The following SLC9A9 variants were observed in gnomAD, a reference collection of about 807,000 sequenced individuals.
SLC9A9 encodes the protein solute carrier family 9 member A9, also known as sodium/hydrogen exchanger 9.
In SLC9A9, 62 loss-of-function variants were observed where a neutral mutation model predicts 77.8. The ratio of observed to expected loss-of-function variants is 0.80; its 90% CI spans 0.65 to 0.98. SLC9A9 has a LOEUF of 0.98. Ranked by LOEUF, SLC9A9 falls within the 50% of genes least tolerant of loss-of-function variation. The pLI, the probability that SLC9A9 is intolerant of heterozygous loss-of-function variation, is 0.00. For missense variants in SLC9A9, 775 were observed against 774.9 expected (o/e 1.00, Z 0.00); for synonymous variants, 320 against 283.5 (o/e 1.13, Z -1.29).
At chr3:143,777,937 A>G (rs1355965165) in intron 4 of SLC9A9, among the ~76,000 whole-genome samples, 2 of 148,382 alleles carry the variant, frequency 1.3e-5, no homozygotes, top group African/African-American at 5.0e-5. Flanking sequence ...CTGGTCTTGA[A>G]CTTCTGACCT....
At chr3:143,411,904 T>A (rs2034103345) in intron 12 of SLC9A9, among the ~76,000 whole-genome samples, 1 of 152,132 alleles carries the variant, frequency 6.6e-6, no homozygotes, top group African/African-American at 2.4e-5. Context: ...CCGGTAACTA[T>A]TCTTGTGGGC....
In SLC9A9 at chr3:143,385,121, G is replaced by A. The variant is rs543969043; in HGVS notation, c.1470-3007C>T. On this transcript the variant is annotated intron_variant, in intron 12 of 15. Transcript: ENST00000316549. ...GGTGTATGAACCTTTTTATGATCAC[G>A]TTAAATGGTCCCTGACTACTGTCTT... Among the ~76,000 whole-genome samples, 15 of 151,966 alleles carry A rather than the reference G, an allele frequency of 9.9e-5. No homozygotes were observed. In the South Asian group the frequency reaches 2.5e-3, roughly 25 times the overall value.
At chr3:143,622,243 C>T (rs898373600) in intron 6 of SLC9A9, among the ~76,000 whole-genome samples, 2 of 152,120 alleles carry the variant, frequency 1.3e-5, no homozygotes, top group Non-Finnish European at 2.9e-5. Context: ...GGCCAACATT[C>T]AAATTCAGGA....
intron 2 of SLC9A9, among the ~76,000 whole-genome samples, chr3:143,821,972 G>C (rs555722739): frequency 1.3e-5 from 2 of 152,320 alleles, no homozygotes; most frequent in African/African-American, 4.8e-5. Flanking sequence ...TGTTGTCCTT[G>C]CTGCAGCAAG....
chr3:143,763,663 T>C (rs1222328438), intron 4 of SLC9A9, among the ~76,000 whole-genome samples: 1 of 151,918 alleles, frequency 6.6e-6, no homozygotes, highest in African/African-American at 2.4e-5. Flanking sequence ...TACTCTGCAG[T>C]CTTTCAAAAA....
chr3:143,401,999 C>T (rs564644111), intron 12 of SLC9A9, among the ~76,000 whole-genome samples: 6 of 152,204 alleles, frequency 3.9e-5, no homozygotes, highest in African/African-American at 1.4e-4. Context: ...ATTCTACTGG[C>T]CTTCCTGATG....
At chr3:143,333,767 A>G (rs377458812) in intron 14 of SLC9A9, among the ~76,000 whole-genome samples, 103 of 152,344 alleles carry the variant, frequency 6.8e-4, no homozygotes, top group Non-Finnish European at 8.2e-4. Flanking sequence ...TGCTTTATTT[A>G]CTGTATTTAT....
At chr3:143,350,883 A>G (rs560454026) in intron 14 of SLC9A9, among the ~76,000 whole-genome samples, 146 of 152,136 alleles carry the variant, frequency 9.6e-4, no homozygotes, top group African/African-American at 3.4e-3. Flanking sequence ...TCCAGTTGCT[A>G]TTAGTCAAAT....
intron 14 of SLC9A9, among the ~76,000 whole-genome samples, chr3:143,288,560 T>C (rs7615491): frequency 0.14 from 21,046 of 152,128 alleles, 4,583 homozygotes; most frequent in African/African-American, 0.46. Context: ...GTTCTAGACA[T>C]TGGGCTCATT....
At chr3:143,747,039 C>A (rs567840651) in intron 4 of SLC9A9, among the ~76,000 whole-genome samples, 1 of 152,164 alleles carries the variant, frequency 6.6e-6, no homozygotes, top group African/African-American at 2.4e-5. Context: ...TGCTGTGGTA[C>A]GCTGAACAAT....
At chr3:143,500,657 A>T (rs1402666622) in intron 9 of SLC9A9, among the ~76,000 whole-genome samples, 2 of 152,008 alleles carry the variant, frequency 1.3e-5, no homozygotes, top group Non-Finnish European at 2.9e-5. Flanking sequence ...CTCTTCTTGT[A>T]TGTATATTTT....
intron 8 of SLC9A9, among the ~76,000 whole-genome samples, chr3:143,559,885 T>C (rs1278115263): frequency 1.3e-5 from 2 of 152,210 alleles, no homozygotes; most frequent in African/African-American, 4.8e-5. Context: ...TGAGTTCGGA[T>C]GACTCTGCCC....
In SLC9A9 at chr3:143,622,489, C is replaced by T. The variant is rs190612108; in HGVS notation, c.755+29766G>A. 9.0e-4 allele frequency among the ~76,000 whole-genome samples: 137 copies of T among 152,250 alleles called. 1 individual carries two copies. Among genetic ancestry groups the T allele is most frequent in the African/African-American group, 3.1e-3 (129 of 41,536 alleles). On this transcript the variant is annotated intron_variant, in intron 6 of 15. Transcript: ENST00000316549. ...CATTGTTAAGGAAAAGAATTTTCAA[C>T]CCAGAATTTCATATCCAGCCAAACT...
chr3:143,357,683 T>C (rs114369837), intron 14 of SLC9A9, among the ~76,000 whole-genome samples: 2,334 of 152,250 alleles, frequency 0.015, 24 homozygotes, highest in South Asian at 0.059. Flanking sequence ...TGATTACGAA[T>C]GCTGGCTCCA....
intron 6 of SLC9A9, among the ~76,000 whole-genome samples, chr3:143,640,047 A>C (rs1446642222): frequency 8.2e-6 from 1 of 121,914 alleles, no homozygotes; most frequent in African/African-American, 3.2e-5. Flanking sequence ...TTTGAGATGG[A>C]GTCTCACTCT....
intron 5 of SLC9A9, among the ~76,000 whole-genome samples, chr3:143,658,031 T>C (rs994833038): frequency 3.9e-5 from 6 of 152,136 alleles, no homozygotes; most frequent in African/African-American, 1.4e-4. Flanking sequence ...CATGCCTGGA[T>C]AATTTTTGAA....
At chr3:143,633,265 C>T (rs1389300489) in intron 6 of SLC9A9, among the ~76,000 whole-genome samples, 1 of 152,090 alleles carries the variant, frequency 6.6e-6, no homozygotes, top group Non-Finnish European at 1.5e-5. Context: ...TTTCTTAAAT[C>T]ATTTTTATTA....
chr3:143,428,796 T>C lies in SLC9A9; in HGVS notation c.1469+38241A>G, dbSNP rs559392790. Among the ~76,000 whole-genome samples, 495 of 152,234 alleles carry C rather than the reference T, an allele frequency of 3.3e-3. 3 individuals carry two copies. Among genetic ancestry groups the C allele is most frequent in the African/African-American group, 0.012 (481 of 41,540 alleles). Reference sequence around the variant, plus strand: ...TTATTAGTGGCAACACAGATGAACCTGGAGGACATTACATTAAGGTAAAGA... The same window carrying C: ...TTATTAGTGGCAACACAGATGAACCCGGAGGACATTACATTAAGGTAAAGA... On this transcript the variant is annotated intron_variant, in intron 12 of 15. Coordinates refer to ENST00000316549, the MANE Select transcript of SLC9A9 (RefSeq NM_173653.4).
At chr3:143,614,681 G>T (rs562138161) in intron 6 of SLC9A9, among the ~76,000 whole-genome samples, 23 of 152,302 alleles carry the variant, frequency 1.5e-4, no homozygotes, top group African/African-American at 5.3e-4. Context: ...ATAAACCACA[G>T]TTAGGAAATC....
Sources: gnomAD v4.1 joint callset for allele counts (sites outside exome capture counted in the v4.1 genomes callset) on GRCh38, gnomAD v4.1.1 for gene constraint, MANE v1.5 for transcripts, NCBI Gene and HGNC (gene_info 2026-07-23, HGNC 2026-07-21) for gene names.